VWC2: variants seen among roughly 807,000 people sequenced by gnomAD.
VWC2 encodes the protein brorin.
In VWC2, 14 loss-of-function variants were observed where a neutral mutation model predicts 29.8. The ratio of observed to expected loss-of-function variants is 0.47; its 90% CI spans 0.31 to 0.74. The LOEUF (loss-of-function observed/expected upper bound fraction) is 0.74, where lower values mean the gene tolerates loss of function less well. Ranked by LOEUF, VWC2 falls within the 30% of genes least tolerant of loss-of-function variation. The pLI is 0.05. For synonymous variants in VWC2, 213 were observed against 199.0 expected (o/e 1.07, Z -0.59); for missense variants, 457 against 459.8 (o/e 0.99, Z 0.05).
chr7:49,828,494 G>A (rs574045655), intron 3 of VWC2, among the ~76,000 whole-genome samples: 1 of 152,234 alleles, frequency 6.6e-6, no homozygotes, highest in South Asian at 2.1e-4. Flanking sequence ...AGCAATATGT[G>A]AGTGTTCTAG....
intron 3 of VWC2, among the ~76,000 whole-genome samples, chr7:49,853,875 C>A (rs1314177904): frequency 7.5e-6 from 1 of 133,454 alleles, no homozygotes. Flanking sequence ...TCCCCCCACC[C>A]CACAACAGGC....
intron 2 of VWC2, among the ~76,000 whole-genome samples, chr7:49,783,771 C>T (rs970203019): frequency 2.0e-5 from 3 of 152,142 alleles, no homozygotes; most frequent in Non-Finnish European, 4.4e-5. Flanking sequence ...ACTCCATGGC[C>T]AGGCACAGTG....
intron 2 of VWC2, among the ~76,000 whole-genome samples, chr7:49,785,657 T>TCA (rs1788279637): frequency 6.6e-6 from 1 of 152,118 alleles, no homozygotes; most frequent in African/African-American, 2.4e-5. Flanking sequence ...ACATCCAGAA[T>TCA]AACAGTGAGT....
chr7:49,837,713 A>G (rs762388819), intron 3 of VWC2, among the ~76,000 whole-genome samples: 15 of 152,206 alleles, frequency 9.9e-5, no homozygotes, highest in Non-Finnish European at 1.8e-4. Flanking sequence ...AATGCTTTCC[A>G]AATACTTACT....
chr7:49,817,740 G>A (rs1290019069), intron 3 of VWC2, among the ~76,000 whole-genome samples: 3 of 152,156 alleles, frequency 2.0e-5, no homozygotes, highest in Non-Finnish European at 4.4e-5. Flanking sequence ...CTTCACTTAA[G>A]AGCAGTTACA....
At chr7:49,890,801 G>A (rs1486771451) in intron 3 of VWC2, among the ~76,000 whole-genome samples, 1 of 151,834 alleles carries the variant, frequency 6.6e-6, no homozygotes, top group African/African-American at 2.4e-5. Context: ...CACAGGAAAG[G>A]AAGGCTCACT....
chr7:49,834,318 G>A (rs1789608072), intron 3 of VWC2, among the ~76,000 whole-genome samples: 1 of 152,126 alleles, frequency 6.6e-6, no homozygotes, highest in Non-Finnish European at 1.5e-5. Flanking sequence ...CATTTCCAGG[G>A]GACTCTGTGG....
chr7:49,791,195 G>A (rs147158672), intron 2 of VWC2, among the ~76,000 whole-genome samples: 1 of 152,178 alleles, frequency 6.6e-6, no homozygotes, highest in African/African-American at 2.4e-5. Context: ...AAGGGACTTC[G>A]TGACTTGCCT....
At chr7:49,847,964 A>C (rs1020527840) in intron 3 of VWC2, among the ~76,000 whole-genome samples, 5 of 152,218 alleles carry the variant, frequency 3.3e-5, no homozygotes, top group African/African-American at 1.2e-4. Flanking sequence ...CTCCAACGTC[A>C]GCAAGGCTCA....
chr7:49,914,578 T>C lies in VWC2; in HGVS notation c.*2393T>C, dbSNP rs987946106. ...CAAACACATGGAAGAACTTGGATTT[T>C]TGACACTGTATATACTCATTAATAA... On this transcript the variant is annotated 3_prime_UTR_variant, in exon 4 of 4. Coordinates refer to ENST00000340652, the MANE Select transcript of VWC2 (RefSeq NM_198570.5). 2.6e-5 allele frequency: 4 copies of C among 152,304 alleles called. No individual in the cohort carries two copies. The highest frequency in any genetic ancestry group is 2.6e-4 in the Admixed American group (4 of 15,280). The allele number at this position is 152,304 out of a possible 1,614,324, so 9.4% of individuals were successfully genotyped here. A position where few individuals can be genotyped will look rare whatever the true frequency, so the allele number is the denominator to read the frequency against.
rs1273798895 is a variant in VWC2, at chr7:49,775,541, C to G, written c.106C>G (p.Leu36Val). 12 of 1,565,048 alleles carry G rather than the reference C, an allele frequency of 7.7e-6. No individual in the cohort carries two copies. Among genetic ancestry groups the G allele is most frequent in the Non-Finnish European group, 8.6e-6 (10 of 1,159,334 alleles). Residue 36 changes from leucine (L) to valine (V), a missense_variant, in exon 2 of 4, where the codon CTG (leucine) becomes GTG (valine). By Grantham distance (32) the Leu-to-Val change is conservative. Around this residue, in one of 2 missense-constraint regions of VWC2, gnomAD observed 272 missense variants for 202.7 expected, o/e 1.34. Transcript: ENST00000340652. ...LCSPSIPLEK[L>V]AQAPEQPGQE... ...CAGTCCGAGCATCCCGCTGGAGAAGCTGGCCCAGGCACCAGAGCAGCCGGG... is the reference window on the plus strand; with the variant it reads ...CAGTCCGAGCATCCCGCTGGAGAAGGTGGCCCAGGCACCAGAGCAGCCGGG...
At chr7:49,851,940 C>A (rs144638168) in intron 3 of VWC2, among the ~76,000 whole-genome samples, 1 of 152,170 alleles carries the variant, frequency 6.6e-6, no homozygotes, top group South Asian at 2.1e-4. Flanking sequence ...GTTCAGTGGG[C>A]TCTTTCCCAC....
intron 3 of VWC2, among the ~76,000 whole-genome samples, chr7:49,875,569 T>C (rs981946378): frequency 7.2e-5 from 11 of 151,756 alleles, no homozygotes; most frequent in Admixed American, 1.3e-4. Flanking sequence ...AAGTGAAAGG[T>C]GGTCAGGGGT....
chr7:49,868,889 G>C (rs1376249705), intron 3 of VWC2, among the ~76,000 whole-genome samples: 2 of 152,216 alleles, frequency 1.3e-5, no homozygotes. Context: ...AAAGTGCTGG[G>C]ATTACGGGCA....
At chr7:49,788,514 T>C (rs936597722) in intron 2 of VWC2, among the ~76,000 whole-genome samples, 4 of 150,952 alleles carry the variant, frequency 2.6e-5, no homozygotes, top group African/African-American at 9.8e-5. Flanking sequence ...TGAGTGTGTG[T>C]GAGTGTGGGT....
At chr7:49,884,658 C>G (rs1583751936) in intron 3 of VWC2, among the ~76,000 whole-genome samples, 1 of 152,138 alleles carries the variant, frequency 6.6e-6, no homozygotes, top group East Asian at 1.9e-4. Context: ...GAGCTGGTTT[C>G]CTCAGGAGAG....
chr7:49,814,284 T>G (rs1206142331), intron 3 of VWC2, among the ~76,000 whole-genome samples: 6 of 152,334 alleles, frequency 3.9e-5, no homozygotes, highest in African/African-American at 1.4e-4. Context: ...TAACTCTGTG[T>G]TTGCTGTTGC....
chr7:49,842,684 AT>A (rs1385799615), intron 3 of VWC2, among the ~76,000 whole-genome samples: 1 of 152,214 alleles, frequency 6.6e-6, no homozygotes, highest in African/African-American at 2.4e-5. Context: ...AATATGGGAG[AT>A]AATGCAATAA....
At chr7:49,881,161 G>C (rs915866513) in intron 3 of VWC2, among the ~76,000 whole-genome samples, 2 of 152,062 alleles carry the variant, frequency 1.3e-5, no homozygotes, top group Admixed American at 1.3e-4. Flanking sequence ...CTGAGCCTTC[G>C]GGGCTACTAG....
Sources: gnomAD v4.1 joint callset for allele counts (sites outside exome capture counted in the v4.1 genomes callset) on GRCh38, gnomAD v4.1.1 for gene constraint, gnomAD v4.1.1 regional missense constraint, MANE v1.5 for transcripts, NCBI Gene and HGNC (gene_info 2026-07-23, HGNC 2026-07-21) for gene names.